Variants in ELMOD1 observed in about 807,000 individuals in gnomAD.
ELMOD1 encodes the protein ELMO domain containing 1.
ELMOD1 carries 21 observed loss-of-function variants against 46.7 expected under a neutral mutation model. That is an observed-to-expected ratio of 0.45 (90% CI 0.32 to 0.65). The LOEUF (loss-of-function observed/expected upper bound fraction) is 0.65. ELMOD1 is among the 30% of genes least tolerant of loss of function. ELMOD1 has a pLI of 0.04. For synonymous variants in ELMOD1, 122 were observed against 138.2 expected (o/e 0.88, Z 0.82); for missense variants, 348 against 407.8 (o/e 0.85, Z 1.26).
intron 2 of ELMOD1, among the ~76,000 whole-genome samples, chr11:107,628,624 A>G (rs1866085231): frequency 6.6e-6 from 1 of 151,692 alleles, no homozygotes; most frequent in African/African-American, 2.4e-5. Flanking sequence ...TGACTAGAAC[A>G]GTTGAATGAA....
intron 5 of ELMOD1, among the ~76,000 whole-genome samples, chr11:107,633,751 T>C (rs1866181599): frequency 1.3e-5 from 2 of 152,106 alleles, no homozygotes; most frequent in African/African-American, 4.8e-5. Flanking sequence ...TAATTGACTT[T>C]CCTTATTTCT....
chr11:107,591,918 G>A (rs1399638641), intron 1 of ELMOD1: 1 of 503,810 alleles, frequency 2.0e-6, no homozygotes, highest in South Asian at 1.5e-5. Flanking sequence ...TGGGAGGAGC[G>A]GTCGGCTGGG....
intron 2 of ELMOD1, among the ~76,000 whole-genome samples, chr11:107,621,430 A>G (rs556887711): frequency 6.6e-6 from 1 of 152,358 alleles, no homozygotes; most frequent in Admixed American, 6.5e-5. Flanking sequence ...TACAAATTGG[A>G]TTTTTAAGTC....
intron 6 of ELMOD1, among the ~76,000 whole-genome samples, chr11:107,646,290 G>T (rs1866425382): frequency 6.6e-6 from 1 of 152,290 alleles, no homozygotes; most frequent in South Asian, 2.1e-4. Flanking sequence ...GTGCAGTAAT[G>T]TATTAATAAA....
chr11:107,661,839 A>G (rs1866744913), intron 11 of ELMOD1, among the ~76,000 whole-genome samples: 1 of 152,184 alleles, frequency 6.6e-6, no homozygotes, highest in African/African-American at 2.4e-5. Context: ...AATATTTTAG[A>G]AGTTTGCCCA....
chr11:107,622,965 T>C (rs1461371772), intron 2 of ELMOD1, among the ~76,000 whole-genome samples: 2 of 152,200 alleles, frequency 1.3e-5, no homozygotes, highest in South Asian at 2.1e-4. Context: ...AATATGCACA[T>C]ATATATACAC....
intron 1 of ELMOD1, among the ~76,000 whole-genome samples, chr11:107,597,016 T>A (rs1865502831): frequency 1.3e-5 from 2 of 152,212 alleles, no homozygotes; most frequent in South Asian, 4.1e-4. Flanking sequence ...TGTAGTGTCA[T>A]AGCTGGGTTG....
At chr11:107,614,635 C>G (rs939293637) in intron 1 of ELMOD1, among the ~76,000 whole-genome samples, 2 of 152,198 alleles carry the variant, frequency 1.3e-5, no homozygotes, top group Non-Finnish European at 2.9e-5. Flanking sequence ...CCATGCCCGG[C>G]CCAGAGTGTA....
At chr11:107,635,786 C>G in intron 6 of ELMOD1, 21 bp downstream of exon 6, 1 of 1,603,608 alleles carries the variant, frequency 6.2e-7, no homozygotes, top group Non-Finnish European at 8.5e-7. Flanking sequence ...GAACACATTT[C>G]GGTTCTTCCT....
At chr11:107,615,339 G>A (rs755696194) in intron 1 of ELMOD1, among the ~76,000 whole-genome samples, 21 of 145,758 alleles carry the variant, frequency 1.4e-4, no homozygotes, top group South Asian at 2.2e-4. Flanking sequence ...GGGTTCAAGC[G>A]ATTCTCCTGC....
intron 7 of ELMOD1, among the ~76,000 whole-genome samples, chr11:107,649,775 T>C (rs921382411): frequency 1.3e-5 from 2 of 152,242 alleles, no homozygotes; most frequent in African/African-American, 4.8e-5. Flanking sequence ...TAATGAATCA[T>C]GTTTGAGGGT....
chr11:107,602,114 A>C (rs1301724415), intron 1 of ELMOD1, among the ~76,000 whole-genome samples: 37 of 152,222 alleles, frequency 2.4e-4, no homozygotes, highest in Admixed American at 2.4e-3. Flanking sequence ...CCTCATGCTG[A>C]ATATTTTGGC....
chr11:107,617,389 A>G (rs957661735), intron 1 of ELMOD1, among the ~76,000 whole-genome samples: 1 of 152,152 alleles, frequency 6.6e-6, no homozygotes, highest in Non-Finnish European at 1.5e-5. Flanking sequence ...CCACTTGCAG[A>G]CACTCTCTCT....
intron 9 of ELMOD1, 51 bp from the exon 10 acceptor site, chr11:107,654,121 A>G: frequency 1.4e-6 from 2 of 1,451,248 alleles, no homozygotes; most frequent in Non-Finnish European, 1.9e-6. Flanking sequence ...GAGAACAAGT[A>G]CCAATTAGAG....
intron 2 of ELMOD1, 39 bp downstream of exon 2, chr11:107,618,245 G>A (rs2135673868): frequency 1.3e-6 from 2 of 1,552,306 alleles, no homozygotes; most frequent in Non-Finnish European, 8.7e-7. Context: ...CCTCTGCAGT[G>A]GGAGAAACCT....
chr11:107,618,114 AC>A lies in ELMOD1; in HGVS notation c.-75del. On this transcript the variant is annotated 5_prime_UTR_variant, in exon 2 of 12. Transcript: ENST00000265840. ...TAATTTCTTCCCACAGTTGACACTT[AC>A]TTTGACAAAGGCAAATTTGGAAGCA... 6.8e-7 allele frequency: 1 copy of A among 1,480,754 alleles called. No homozygotes were observed. 91.7% of individuals were successfully genotyped at this position (1,480,754 alleles called of 1,614,324 possible). A position where few individuals can be genotyped will look rare whatever the true frequency, so the allele number is the denominator to read the frequency against.
chr11:107,603,850 C>T lies in ELMOD1; in HGVS notation c.-86+12441C>T, dbSNP rs535010115. ...CCAAGATTGCACCACTGCACTCCAGCCTGGGTGACAAAGCTAGACCTTGTC... is the reference window on the plus strand; with the variant it reads ...CCAAGATTGCACCACTGCACTCCAGTCTGGGTGACAAAGCTAGACCTTGTC... On this transcript the variant is annotated intron_variant, in intron 1 of 11. Coordinates refer to ENST00000265840, the MANE Select transcript of ELMOD1 (RefSeq NM_018712.4). Among the ~76,000 whole-genome samples, 3 of 151,406 alleles carry T rather than the reference C, an allele frequency of 2.0e-5. No individual in the cohort carries two copies. The South Asian group carries it at 6.3e-4, about 32-fold the overall frequency.
At position 107,593,055 on chromosome 11, in the gene ELMOD1, T is replaced by C. The variant is rs1047647214; in HGVS notation, c.-86+1646T>C. Reference sequence around the variant, plus strand: ...CAGCCCATGCACAGTGAAGCTGAAGTGCTTCAATTTACAGATGTTTTACAT... The same window carrying C: ...CAGCCCATGCACAGTGAAGCTGAAGCGCTTCAATTTACAGATGTTTTACAT... On this transcript the variant is annotated intron_variant, in intron 1 of 11. Transcript: ENST00000265840. 80 of 152,738 alleles carry C rather than the reference T, an allele frequency of 5.2e-4. 1 individual carries two copies. The highest frequency in any genetic ancestry group is 1.8e-3 in the African/African-American group (74 of 41,568). The allele number at this position is 152,738 out of a possible 1,614,324, so 9.5% of individuals were successfully genotyped here.
At position 107,665,258 on chromosome 11, in the gene ELMOD1, T is replaced by G; in HGVS notation, c.*61T>G. ...CTGCCTCATTGTCTTGTTAGATCTC[T>G]GCTTAGGTCGCAGCTCACGCATTGA... On this transcript the variant is annotated 3_prime_UTR_variant, in exon 12 of 12. Transcript: ENST00000265840. 5.2e-6 allele frequency: 8 copies of G among 1,543,858 alleles called. No individual in the cohort carries two copies. The highest frequency in any genetic ancestry group is 7.1e-6 in the Non-Finnish European group (8 of 1,131,426).
Sources: allele counts gnomAD v4.1 joint callset (sites outside exome capture counted in the v4.1 genomes callset), GRCh38; gene constraint gnomAD v4.1.1; transcripts MANE v1.5; gene names NCBI Gene and HGNC (gene_info 2026-07-23, HGNC 2026-07-21).